The following NEMP2 variants were observed in gnomAD, a reference collection of about 807,000 sequenced individuals.
The protein encoded by NEMP2 is UPF0571 transmembrane protein.
In NEMP2, 53 loss-of-function variants were observed where a neutral mutation model predicts 54.2. That is an observed-to-expected ratio of 0.98 (90% CI 0.78 to 1.23). NEMP2 has a LOEUF of 1.23. NEMP2 is among the 50% of genes most tolerant of loss of function. The pLI, the probability that NEMP2 is intolerant of heterozygous loss-of-function variation, is 0.00. For missense variants in NEMP2, 455 were observed against 511.3 expected, an observed-to-expected ratio of 0.89 and a Z score of 1.06; for synonymous variants, 197 against 190.3, an observed-to-expected ratio of 1.04 and a Z score of -0.29.
the NEMP2 span, among the ~76,000 whole-genome samples, chr2:190,637,349 G>C: frequency 6.6e-6 from 1 of 152,086 alleles, no homozygotes. This position sits in a 1 kb window ranked among gnomAD's most constrained non-coding sequence, Gnocchi z 4.5. Context: ...TCTCATGTCT[G>C]ACACTCACAG....
Position 190,530,277 on chromosome 2 carries a change from G to T in NEMP2, c.97+4282C>A, listed in dbSNP as rs1333781400. On this transcript the variant is annotated intron_variant, in intron 1 of 8. Coordinates refer to ENST00000409150, the MANE Select transcript of NEMP2 (RefSeq NM_001142645.2). This position sits in a 1 kb window ranked among gnomAD's most constrained non-coding sequence, Gnocchi z 4.6. The stretch of plus-strand genomic sequence containing the variant: ...CTCCAGAGTGGCCTCTGGCTTTTGA[G>T]GTGAAGCTGATGTGGAATTTACACA... Among the ~76,000 whole-genome samples, 1 of 152,174 alleles carries T rather than the reference G, an allele frequency of 6.6e-6. No individual in the cohort carries two copies. Among genetic ancestry groups the T allele is most frequent in the Non-Finnish European group, 1.5e-5 (1 of 68,030 alleles).
the NEMP2 span, among the ~76,000 whole-genome samples, chr2:190,582,970 A>C: frequency 0.23 from 35,306 of 152,136 alleles, 5,226 homozygotes; most frequent in Non-Finnish European, 0.33. This position sits in a 1 kb window ranked among gnomAD's most constrained non-coding sequence, Gnocchi z 4.6. Context: ...CTTGTTATTT[A>C]ATGGACCAAG....
At chr2:190,457,296 C>T in the NEMP2 span, among the ~76,000 whole-genome samples, 4 of 152,162 alleles carry the variant, frequency 2.6e-5, no homozygotes, top group East Asian at 1.9e-4. The surrounding 1 kb of genome is among the most constrained non-coding windows in gnomAD (Gnocchi z 5.1). Flanking sequence ...GTGAAAAGAG[C>T]GAGCTGGATG....
the NEMP2 span, among the ~76,000 whole-genome samples, chr2:190,443,530 A>T: frequency 6.6e-6 from 1 of 152,246 alleles, no homozygotes; most frequent in Non-Finnish European, 1.5e-5. This position sits in a 1 kb window ranked among gnomAD's most constrained non-coding sequence, Gnocchi z 4.2. Context: ...AGTTGACAGT[A>T]CAATATCAGA....
the NEMP2 span, among the ~76,000 whole-genome samples, chr2:190,642,645 G>A: frequency 6.6e-6 from 1 of 151,990 alleles, no homozygotes; most frequent in African/African-American, 2.4e-5. This position sits in a 1 kb window ranked among gnomAD's most constrained non-coding sequence, Gnocchi z 4.1. Context: ...CAAAATAAGG[G>A]AAATTTTAAT....
At chr2:190,645,513 T>C in the NEMP2 span, among the ~76,000 whole-genome samples, 1 of 152,234 alleles carries the variant, frequency 6.6e-6, no homozygotes, top group African/African-American at 2.4e-5. Flanking sequence ...TTTTAGACAC[T>C]TCTATTAGGA....
chr2:190,425,071 T>G, the NEMP2 span, among the ~76,000 whole-genome samples: 1 of 151,180 alleles, frequency 6.6e-6, no homozygotes, highest in East Asian at 1.9e-4. This position sits in a 1 kb window ranked among gnomAD's most constrained non-coding sequence, Gnocchi z 4.3. Flanking sequence ...CTTGTACACA[T>G]TTTTTAAATT....
At chr2:190,643,193 G>A in the NEMP2 span, among the ~76,000 whole-genome samples, 1 of 151,930 alleles carries the variant, frequency 6.6e-6, no homozygotes, top group Admixed American at 6.6e-5. Context: ...TTCCAAGGGG[G>A]CTTACTGTAT....
At chr2:190,473,583 A>T in the NEMP2 span, among the ~76,000 whole-genome samples, 2 of 152,176 alleles carry the variant, frequency 1.3e-5, no homozygotes, top group Non-Finnish European at 2.9e-5. Context: ...AAGTCCTTAG[A>T]GACCTACAAA....
At chr2:190,480,072 A>C in the NEMP2 span, among the ~76,000 whole-genome samples, 1 of 152,192 alleles carries the variant, frequency 6.6e-6, no homozygotes, top group East Asian at 1.9e-4. Context: ...CTCAGGTGGA[A>C]GGATTGCTTG....
the NEMP2 span, among the ~76,000 whole-genome samples, chr2:190,431,283 C>T: frequency 3.9e-5 from 6 of 152,110 alleles, no homozygotes; most frequent in South Asian, 2.1e-4. The surrounding 1 kb of genome is among the most constrained non-coding windows in gnomAD (Gnocchi z 4.4). Flanking sequence ...CAGAGACGCT[C>T]CTCACTTCCC....
chr2:190,563,010 T>C, the NEMP2 span, among the ~76,000 whole-genome samples: 18,468 of 152,164 alleles, frequency 0.12, 1,953 homozygotes, highest in African/African-American at 0.28. This position sits in a 1 kb window ranked among gnomAD's most constrained non-coding sequence, Gnocchi z 4.3. Context: ...AACACAAATA[T>C]AATTCTGAAA....
At chr2:190,572,024 A>G in the NEMP2 span, among the ~76,000 whole-genome samples, 2 of 152,184 alleles carry the variant, frequency 1.3e-5, no homozygotes, top group African/African-American at 2.4e-5. Flanking sequence ...CAAAATGATG[A>G]AATTGCCCAA....
At chr2:190,487,605 A>G in the NEMP2 span, among the ~76,000 whole-genome samples, 1 of 152,214 alleles carries the variant, frequency 6.6e-6, no homozygotes, top group South Asian at 2.1e-4. The surrounding 1 kb of genome is among the most constrained non-coding windows in gnomAD (Gnocchi z 5.5). Flanking sequence ...TTGAATAAAC[A>G]TTTCTTCAAA....
the NEMP2 span, among the ~76,000 whole-genome samples, chr2:190,552,857 T>TA: frequency 4.1e-3 from 629 of 152,334 alleles, 3 homozygotes; most frequent in Non-Finnish European, 6.9e-3. Context: ...CTCAATGTTA[T>TA]AAAATCCTCT....
the NEMP2 span, among the ~76,000 whole-genome samples, chr2:190,474,360 G>A: frequency 9.2e-5 from 14 of 151,996 alleles, no homozygotes; most frequent in Admixed American, 2.0e-4. Context: ...TCAAATAGAC[G>A]CAATAAAAAA....
chr2:190,554,993 C>G, the NEMP2 span, among the ~76,000 whole-genome samples: 1 of 152,230 alleles, frequency 6.6e-6, no homozygotes, highest in African/African-American at 2.4e-5. The surrounding 1 kb of genome is among the most constrained non-coding windows in gnomAD (Gnocchi z 5.7). Context: ...TCTGCAGCCT[C>G]TGCTGGTGAT....
At chr2:190,449,236 G>A in the NEMP2 span, among the ~76,000 whole-genome samples, 1 of 152,228 alleles carries the variant, frequency 6.6e-6, no homozygotes, top group Non-Finnish European at 1.5e-5. Flanking sequence ...CACTTTGGCA[G>A]GCTGAGGCAG....
In NEMP2 at chr2:190,525,877, T is replaced by C. The variant is rs756390100; in HGVS notation, c.98-499A>G. Among the ~76,000 whole-genome samples the C allele has an allele frequency of 4.6e-5, 7 of 152,272 alleles. No homozygotes were observed. The highest frequency in any genetic ancestry group is 1.9e-4 in the East Asian group (1 of 5,186). ...AAGGTATAGGGATACAAGAAGACATTTGAACACCTGTAGCTGGAGTGGTAA... is the reference window on the plus strand; with the variant it reads ...AAGGTATAGGGATACAAGAAGACATCTGAACACCTGTAGCTGGAGTGGTAA... On this transcript the variant is annotated intron_variant, in intron 1 of 8. Transcript: ENST00000409150. The surrounding 1 kb of genome is among the most constrained non-coding windows in gnomAD (Gnocchi z 5.0).
Sources: allele counts gnomAD v4.1 joint callset (sites outside exome capture counted in the v4.1 genomes callset), GRCh38; gene constraint gnomAD v4.1.1; non-coding constraint Gnocchi (gnomAD v3.1); transcripts MANE v1.5; gene names NCBI Gene and HGNC (gene_info 2026-07-23, HGNC 2026-07-21).